FCHSD2: variants seen among roughly 807,000 people sequenced by gnomAD.
FCHSD2 encodes FCH and double SH3 domains 2.
Under a neutral mutation model 108.1 loss-of-function variants are expected in FCHSD2, and 38 were observed. That is an observed-to-expected ratio of 0.35 (90% confidence interval 0.27 to 0.46). The LOEUF (loss-of-function observed/expected upper bound fraction) is 0.46, where lower values mean the gene tolerates loss of function less well. Among genes scored for constraint, FCHSD2 ranks in the 20% least tolerant of loss-of-function variants. The pLI, the probability that FCHSD2 is intolerant of heterozygous loss-of-function variation, is 1.00. For synonymous variants in FCHSD2, 279 were observed against 314.7 expected (o/e 0.89, Z 1.20); for missense variants, 751 against 897.8 (o/e 0.84, Z 2.09).
chr11:72,862,417 C>G (rs1194415481), intron 13 of FCHSD2, among the ~76,000 whole-genome samples: 1 of 152,120 alleles, frequency 6.6e-6, no homozygotes, highest in African/African-American at 2.4e-5. Flanking sequence ...GATCAATATA[C>G]AACAATCAAC....
intron 5 of FCHSD2, among the ~76,000 whole-genome samples, chr11:72,993,308 G>T (rs1273363951): frequency 6.6e-6 from 1 of 152,202 alleles, no homozygotes; most frequent in Non-Finnish European, 1.5e-5. Flanking sequence ...TACACTGTTG[G>T]TGGGAATGTA....
intron 2 of FCHSD2, among the ~76,000 whole-genome samples, chr11:73,138,278 A>T (rs549126055): frequency 6.6e-6 from 1 of 152,370 alleles, no homozygotes; most frequent in African/African-American, 2.4e-5. Context: ...GTCAGCACAG[A>T]TATCAGGACA....
chr11:72,903,876 C>T (rs1855577692), intron 9 of FCHSD2, among the ~76,000 whole-genome samples: 1 of 152,164 alleles, frequency 6.6e-6, no homozygotes, highest in African/African-American at 2.4e-5. Flanking sequence ...AATCCCATTT[C>T]TCTACTGCTT....
In FCHSD2 at chr11:72,883,051, GA is replaced by G. The variant is rs576110390; in HGVS notation, c.1146+4418del. The stretch of plus-strand genomic sequence containing the variant: ...TTCAATACGGGTGCAAAGGTAATGG[GA>G]AAAGCATACTCTTTAAAATATGATG... On this transcript the variant is annotated intron_variant, in intron 12 of 19. Coordinates refer to ENST00000409418, the MANE Select transcript of FCHSD2 (RefSeq NM_014824.3). 5.3e-5 allele frequency among the ~76,000 whole-genome samples: 8 copies of G among 152,172 alleles called. No individual in the cohort carries two copies. The East Asian group carries it at 1.5e-3, about 29-fold the overall frequency.
At chr11:72,932,201 C>T (rs982485229) in intron 8 of FCHSD2, among the ~76,000 whole-genome samples, 10 of 152,260 alleles carry the variant, frequency 6.6e-5, no homozygotes, top group Middle Eastern at 3.4e-3. Context: ...AAACCCAACC[C>T]CTCCTCCTGA....
At chr11:72,980,697 AATG>A (rs1857198064) in intron 8 of FCHSD2, among the ~76,000 whole-genome samples, 3 of 134,430 alleles carry the variant, frequency 2.2e-5, no homozygotes, top group Non-Finnish European at 4.6e-5. Flanking sequence ...ATATATATAT[AATG>A]TATGTATGTA....
intron 2 of FCHSD2, among the ~76,000 whole-genome samples, chr11:73,127,621 A>G (rs1565103341): frequency 6.6e-6 from 1 of 152,196 alleles, no homozygotes; most frequent in Non-Finnish European, 1.5e-5. Context: ...GAAAACCATC[A>G]ACTTACAGGC....
At chr11:73,099,756 C>T (rs1213711416) in intron 2 of FCHSD2, among the ~76,000 whole-genome samples, 2 of 152,304 alleles carry the variant, frequency 1.3e-5, no homozygotes, top group South Asian at 2.1e-4. Flanking sequence ...GCTGTTTCCC[C>T]GTGGTTTCCA....
chr11:73,061,819 A>G (rs993009163), intron 3 of FCHSD2, among the ~76,000 whole-genome samples: 23 of 152,310 alleles, frequency 1.5e-4, no homozygotes, highest in Non-Finnish European at 1.8e-4. Context: ...TCAGGGGCTT[A>G]CAGATAAAAC....
intron 2 of FCHSD2, among the ~76,000 whole-genome samples, chr11:73,120,623 GGA>G (rs1382382653): frequency 2.0e-5 from 3 of 152,054 alleles, no homozygotes; most frequent in African/African-American, 7.3e-5. Context: ...CAGCTACTCA[GGA>G]GGCTGAGGCT....
At chr11:72,931,758 C>T (rs1307872422) in intron 8 of FCHSD2, among the ~76,000 whole-genome samples, 1 of 152,122 alleles carries the variant, frequency 6.6e-6, no homozygotes, top group African/African-American at 2.4e-5. Flanking sequence ...GAGCAAGACC[C>T]TGTCTCAAAA....
intron 3 of FCHSD2, among the ~76,000 whole-genome samples, chr11:73,060,319 T>A (rs763316407): frequency 3.9e-5 from 6 of 152,244 alleles, no homozygotes; most frequent in Non-Finnish European, 7.3e-5. Context: ...ATTATTATTA[T>A]CTGTCACCAG....
chr11:72,872,382 ACAGT>A (rs1423790596), intron 12 of FCHSD2, among the ~76,000 whole-genome samples: 3 of 150,940 alleles, frequency 2.0e-5, no homozygotes, highest in African/African-American at 7.3e-5. Flanking sequence ...AACCATCACC[ACAGT>A]CAAATTTAGA....
rs112633302 is a variant in FCHSD2, at chr11:72,905,600, C to G, written c.829-2962G>C. Among the ~76,000 whole-genome samples, 886 of 152,160 alleles carry G rather than the reference C, an allele frequency of 5.8e-3. 4 individuals are homozygous for G. The highest frequency in any genetic ancestry group is 0.014 in the South Asian group (68 of 4,812). On this transcript the variant is annotated intron_variant, in intron 9 of 19. Transcript: ENST00000409418. ...CTATCCTTCCCCTAGCCCCCCACCC[C>G]CCGACAGGTCCCAGTGCGTGATGTT... is the stretch of plus-strand genomic sequence containing the variant.
At chr11:73,045,545 T>G (rs1395786958) in intron 3 of FCHSD2, among the ~76,000 whole-genome samples, 1 of 151,362 alleles carries the variant, frequency 6.6e-6, no homozygotes, top group Non-Finnish European at 1.5e-5. Flanking sequence ...TAGAATGGAT[T>G]AAGAAAATGT....
chr11:73,020,153 A>C (rs1565370978), intron 3 of FCHSD2, among the ~76,000 whole-genome samples: 2 of 152,234 alleles, frequency 1.3e-5, no homozygotes, highest in African/African-American at 4.8e-5. Flanking sequence ...TCAGTGTCTG[A>C]TGTTAGGCTT....
chr11:72,933,495 C>T (rs1488358487), intron 8 of FCHSD2, among the ~76,000 whole-genome samples: 1 of 152,180 alleles, frequency 6.6e-6, no homozygotes, highest in African/African-American at 2.4e-5. Flanking sequence ...CAACAAATTC[C>T]TCTGTTTTGC....
intron 2 of FCHSD2, among the ~76,000 whole-genome samples, chr11:73,136,723 T>C (rs1218093905): frequency 6.6e-6 from 1 of 152,066 alleles, no homozygotes; most frequent in Non-Finnish European, 1.5e-5. Context: ...CTTTACAACT[T>C]AATTCATATA....
At chr11:73,004,459 C>CT (rs1857697563) in intron 4 of FCHSD2, among the ~76,000 whole-genome samples, 1 of 152,312 alleles carries the variant, frequency 6.6e-6, no homozygotes, top group Non-Finnish European at 1.5e-5. Context: ...AATTCTGACT[C>CT]TAACAGTTAC....
Sources: allele counts gnomAD v4.1 joint callset (sites outside exome capture counted in the v4.1 genomes callset), GRCh38; gene constraint gnomAD v4.1.1; transcripts MANE v1.5; gene names NCBI Gene and HGNC (gene_info 2026-07-23, HGNC 2026-07-21).